TENM3: variants seen among roughly 807,000 people sequenced by gnomAD.
TENM3 encodes teneurin-3.
A neutral mutation model predicts 255.1 loss-of-function variants in TENM3; 63 were observed. The ratio of observed to expected loss-of-function variants is 0.25; its 90% CI spans 0.20 to 0.30. The LOEUF (loss-of-function observed/expected upper bound fraction) is 0.30, where lower values mean the gene tolerates loss of function less well. Ranked by LOEUF, TENM3 falls within the 10% of genes least tolerant of loss-of-function variation. TENM3 has a pLI of 1.00. For missense variants in TENM3, 2,929 were observed against 3,461.1 expected (o/e 0.85, Z 3.86); for synonymous variants, 1,306 against 1,322.3 (o/e 0.99, Z 0.27).
At chr4:182,316,365 T>A (rs1762750040) in intron 1 of TENM3, among the ~76,000 whole-genome samples, 1 of 152,122 alleles carries the variant, frequency 6.6e-6, no homozygotes, top group Admixed American at 6.5e-5. Flanking sequence ...TGAATTTTTT[T>A]TTTTTCCCAA....
At chr4:181,555,686 T>C in the TENM3 span, among the ~76,000 whole-genome samples, 1 of 152,200 alleles carries the variant, frequency 6.6e-6, no homozygotes. Context: ...GCCCATTCTC[T>C]CTTCCAGGTG....
chr4:182,478,220 T>G lies in TENM3; in HGVS notation c.512-122704T>G, dbSNP rs564292552. 2.0e-5 allele frequency among the ~76,000 whole-genome samples: 3 copies of G among 152,238 alleles called. No individual in the cohort carries two copies. In the South Asian group the frequency reaches 6.2e-4, roughly 32 times the overall value. On this transcript the variant is annotated intron_variant, in intron 3 of 27. Coordinates refer to ENST00000511685, the MANE Select transcript of TENM3 (RefSeq NM_001080477.4). ...TATTATTTTCATACTACTCTCATTC[T>G]TTAAAAATAAACACTAAAAATAACC...
At chr4:182,570,829 C>CAAA (rs35697079) in intron 3 of TENM3, among the ~76,000 whole-genome samples, 2 of 144,878 alleles carry the variant, frequency 1.4e-5, no homozygotes, top group Non-Finnish European at 1.5e-5. Flanking sequence ...GACTCTGTGT[C>CAAA]AAAAAAAAAA....
At chr4:182,504,218 C>G (rs1180739077) in intron 3 of TENM3, among the ~76,000 whole-genome samples, 1 of 151,788 alleles carries the variant, frequency 6.6e-6, no homozygotes, top group Non-Finnish European at 1.5e-5. Context: ...TCACTCATCC[C>G]CTGATGAATC....
the TENM3 span, among the ~76,000 whole-genome samples, chr4:181,617,053 C>T: frequency 6.6e-6 from 1 of 152,120 alleles, no homozygotes; most frequent in Admixed American, 6.6e-5. Context: ...TCTATATTCC[C>T]ATCATCTTGC....
At chr4:182,100,686 T>TATATACAC in the TENM3 span, among the ~76,000 whole-genome samples, 3 of 77,212 alleles carry the variant, frequency 3.9e-5, no homozygotes, top group African/African-American at 9.7e-5. Context: ...TATACACACA[T>TATATACAC]ATATATACAC....
the TENM3 span, among the ~76,000 whole-genome samples, chr4:181,748,323 A>G: frequency 2.6e-3 from 396 of 152,198 alleles, 2 homozygotes; most frequent in Non-Finnish European, 3.8e-3. Context: ...GGTAGAATTT[A>G]AAGGTCTTCT....
the TENM3 span, among the ~76,000 whole-genome samples, chr4:182,033,162 T>C: frequency 6.6e-6 from 1 of 152,292 alleles, no homozygotes; most frequent in East Asian, 1.9e-4. Context: ...TCTTTCTAGC[T>C]TTTTGATGTG....
At chr4:182,459,133 C>T (rs1288009047) in intron 3 of TENM3, among the ~76,000 whole-genome samples, 1 of 152,184 alleles carries the variant, frequency 6.6e-6, no homozygotes, top group Non-Finnish European at 1.5e-5. Context: ...CCTTCCTTCA[C>T]AGGCTTGACT....
intron 22 of TENM3, among the ~76,000 whole-genome samples, chr4:182,772,225 A>AG (rs386402559): frequency 2.2e-5 from 1 of 45,680 alleles, no homozygotes; most frequent in African/African-American, 4.9e-5. Flanking sequence ...AGTGAAATTG[A>AG]AAAAACAAAC....
At chr4:182,337,382 A>G (rs1245167067) in intron 2 of TENM3, among the ~76,000 whole-genome samples, 2 of 152,210 alleles carry the variant, frequency 1.3e-5, no homozygotes, top group Non-Finnish European at 2.9e-5. Flanking sequence ...AAATGGGCAA[A>G]AAACTTTTAA....
intron 2 of TENM3, among the ~76,000 whole-genome samples, chr4:182,335,535 A>C (rs969007283): frequency 1.4e-5 from 2 of 143,092 alleles, no homozygotes; most frequent in Non-Finnish European, 3.0e-5. Flanking sequence ...AGCATTTGCC[A>C]TTTTTGCTTT....
chr4:181,549,015 G>A, the TENM3 span, among the ~76,000 whole-genome samples: 6 of 152,186 alleles, frequency 3.9e-5, no homozygotes, highest in Non-Finnish European at 8.8e-5. Context: ...TGACATCTGT[G>A]TAATGGGGCG....
intron 3 of TENM3, among the ~76,000 whole-genome samples, chr4:182,363,946 G>A (rs1356876806): frequency 1.3e-5 from 2 of 152,064 alleles, no homozygotes; most frequent in African/African-American, 4.8e-5. Context: ...CAGAAAACAA[G>A]TACAAAATAT....
intron 3 of TENM3, among the ~76,000 whole-genome samples, chr4:182,375,889 G>T (rs144502248): frequency 4.7e-4 from 72 of 152,246 alleles, no homozygotes; most frequent in African/African-American, 1.4e-3. Flanking sequence ...ATTTGTAAAA[G>T]GGATAATGAA....
chr4:182,389,975 G>T (rs1369977684), intron 3 of TENM3, among the ~76,000 whole-genome samples: 3 of 152,118 alleles, frequency 2.0e-5, no homozygotes, highest in African/African-American at 7.2e-5. Context: ...GTGAGCCACC[G>T]CGCCCGGCCC....
At chr4:181,447,771 C>T in the TENM3 span, among the ~76,000 whole-genome samples, 1 of 152,234 alleles carries the variant, frequency 6.6e-6, no homozygotes, top group East Asian at 1.9e-4. Flanking sequence ...GTCTGGGGAG[C>T]GGTGAGTACC....
intron 1 of TENM3, among the ~76,000 whole-genome samples, chr4:182,309,284 G>A (rs970422552): frequency 1.1e-4 from 16 of 152,202 alleles, no homozygotes; most frequent in African/African-American, 3.9e-4. Context: ...GGAAGGTGCC[G>A]TGTGGCTGGT....
intron 1 of TENM3, among the ~76,000 whole-genome samples, chr4:182,259,319 T>A (rs1288062671): frequency 6.6e-6 from 1 of 152,178 alleles, no homozygotes; most frequent in African/African-American, 2.4e-5. Flanking sequence ...TTATTATGTA[T>A]TTATTTATTT....
Sources: gnomAD v4.1 joint callset for allele counts (sites outside exome capture counted in the v4.1 genomes callset) on GRCh38, gnomAD v4.1.1 for gene constraint, MANE v1.5 for transcripts, NCBI Gene and HGNC (gene_info 2026-07-23, HGNC 2026-07-21) for gene names.